Variants in TGFBR3 observed in about 807,000 individuals in gnomAD.
TGFBR3 encodes the protein transforming growth factor beta receptor 3.
In TGFBR3, 46 loss-of-function variants were observed where a neutral mutation model predicts 87.9. That is an observed-to-expected ratio of 0.52 (90% CI 0.41 to 0.67). The LOEUF is 0.67. Among genes scored for constraint, TGFBR3 ranks in the 30% least tolerant of loss-of-function variants. TGFBR3 has a pLI of 0.00. For synonymous variants in TGFBR3, 381 were observed against 391.6 expected, an observed-to-expected ratio of 0.97 and a Z score of 0.32; for missense variants, 866 against 1,041.9, an observed-to-expected ratio of 0.83 and a Z score of 2.32.
chr1:91,846,877 T>C (rs1677522240), intron 2 of TGFBR3, among the ~76,000 whole-genome samples: 1 of 152,138 alleles, frequency 6.6e-6, no homozygotes, highest in Non-Finnish European at 1.5e-5. Flanking sequence ...CTGCTCCACA[T>C]GCATGGACAG....
intron 3 of TGFBR3, among the ~76,000 whole-genome samples, chr1:91,783,731 C>T (rs1025827456): frequency 6.6e-6 from 1 of 152,058 alleles, no homozygotes; most frequent in Non-Finnish European, 1.5e-5. Context: ...AAGGAAAAAG[C>T]CATATTAAAC....
Position 91,711,869 on chromosome 1 carries a change from A to G in TGFBR3, c.2166+374T>C, listed in dbSNP as rs1015750586. ...CAGAAAAGGTTAAAAAACAATGACA[A>G]TGCCAGTCCCAGCAGGACCTGGAAA... On this transcript the variant is annotated intron_variant, in intron 13 of 16. Transcript: ENST00000212355. Among the ~76,000 whole-genome samples the G allele has an allele frequency of 3.3e-5, 5 of 152,358 alleles. No homozygotes were observed. In the East Asian group the frequency reaches 9.6e-4, roughly 29 times the overall value.
At chr1:91,873,991 T>G (rs1235783278) in intron 1 of TGFBR3, among the ~76,000 whole-genome samples, 1 of 152,064 alleles carries the variant, frequency 6.6e-6, no homozygotes, top group Non-Finnish European at 1.5e-5. Context: ...TCTTATTCAT[T>G]TAATAATGTT....
At chr1:91,704,173 C>A (rs1199018168) in intron 14 of TGFBR3, among the ~76,000 whole-genome samples, 2 of 151,700 alleles carry the variant, frequency 1.3e-5, no homozygotes, top group Admixed American at 6.6e-5. Flanking sequence ...ACTAAAAATA[C>A]AAGAATTAGC....
chr1:91,712,625 G>T, intron 12 of TGFBR3, 83 bp from the exon 13 acceptor site: 1 of 1,307,204 alleles, frequency 7.6e-7, no homozygotes, highest in Non-Finnish European at 1.1e-6. Context: ...TGCCAAGACA[G>T]CCCTTCAGAT....
intron 4 of TGFBR3, among the ~76,000 whole-genome samples, chr1:91,738,417 CA>C (rs1439253369): frequency 1.3e-5 from 2 of 152,200 alleles, no homozygotes; most frequent in Non-Finnish European, 2.9e-5. Context: ...CAGATCCCCC[CA>C]TGAATGGCTT....
At chr1:91,819,436 G>A (rs1480005896) in intron 2 of TGFBR3, among the ~76,000 whole-genome samples, 2 of 151,692 alleles carry the variant, frequency 1.3e-5, no homozygotes, top group Non-Finnish European at 2.9e-5. Flanking sequence ...TCCTCAAAGA[G>A]CTAGGGATCC....
intron 14 of TGFBR3, among the ~76,000 whole-genome samples, chr1:91,706,770 T>A (rs1001916141): frequency 7.9e-5 from 12 of 152,168 alleles, no homozygotes; most frequent in Admixed American, 7.9e-4. Context: ...TCTATTGGGG[T>A]CTGAATTGGG....
chr1:91,787,943 G>GGAAAAAAA (rs945269870), intron 3 of TGFBR3, among the ~76,000 whole-genome samples: 4 of 133,316 alleles, frequency 3.0e-5, no homozygotes, highest in African/African-American at 9.2e-5. Flanking sequence ...GTCTCACGGG[G>GGAAAAAAA]AAAAAAAAAA....
chr1:91,873,449 A>C (rs1018102636), intron 1 of TGFBR3, among the ~76,000 whole-genome samples: 2 of 151,444 alleles, frequency 1.3e-5, no homozygotes, highest in African/African-American at 4.9e-5. Context: ...CGCCCAGCTA[A>C]TTTTTGTATT....
At chr1:91,877,897 T>C (rs1269748639) in intron 1 of TGFBR3, among the ~76,000 whole-genome samples, 1 of 152,132 alleles carries the variant, frequency 6.6e-6, no homozygotes, top group East Asian at 1.9e-4. Flanking sequence ...AGAAAATGAA[T>C]AGGAATGTCT....
intron 2 of TGFBR3, among the ~76,000 whole-genome samples, chr1:91,827,674 C>G (rs1459742201): frequency 6.6e-6 from 1 of 152,166 alleles, no homozygotes; most frequent in Non-Finnish European, 1.5e-5. Context: ...CCCTGGCACA[C>G]AGTAAGCACT....
At chr1:91,837,435 G>A (rs1000333818) in intron 2 of TGFBR3, among the ~76,000 whole-genome samples, 7 of 151,864 alleles carry the variant, frequency 4.6e-5, no homozygotes, top group Non-Finnish European at 7.4e-5. Context: ...CAGTAGAGAC[G>A]GGGTTTCACC....
intron 14 of TGFBR3, among the ~76,000 whole-genome samples, chr1:91,704,066 G>T (rs1040058093): frequency 2.0e-5 from 3 of 152,120 alleles, no homozygotes; most frequent in African/African-American, 7.2e-5. Flanking sequence ...AGTGGCTCAT[G>T]CCTATAATCC....
intron 2 of TGFBR3, among the ~76,000 whole-genome samples, chr1:91,811,381 C>T (rs987752651): frequency 6.6e-6 from 1 of 152,014 alleles, no homozygotes; most frequent in African/African-American, 2.4e-5. Context: ...TCCAAGGTCT[C>T]AATTTAAGAG....
intron 3 of TGFBR3, chr1:91,783,195 C>A (rs1454196023): frequency 6.6e-6 from 1 of 152,088 alleles, no homozygotes; most frequent in Non-Finnish European, 1.5e-5. Flanking sequence ...TCAAAAGTAT[C>A]CAAGTCATAC....
intron 3 of TGFBR3, among the ~76,000 whole-genome samples, chr1:91,761,057 T>C (rs1673942361): frequency 6.6e-6 from 1 of 152,258 alleles, no homozygotes; most frequent in African/African-American, 2.4e-5. Context: ...AGACTAGTAA[T>C]GTATATCTGC....
intron 1 of TGFBR3, among the ~76,000 whole-genome samples, chr1:91,882,055 A>ATAAATAAG (rs1331503556): frequency 6.6e-6 from 1 of 151,046 alleles, no homozygotes; most frequent in Non-Finnish European, 1.5e-5. Flanking sequence ...AAATAAATAA[A>ATAAATAAG]TAAATAATAA....
chr1:91,831,506 G>A (rs1676856522), intron 2 of TGFBR3, among the ~76,000 whole-genome samples: 2 of 152,116 alleles, frequency 1.3e-5, no homozygotes, highest in African/African-American at 4.8e-5. Context: ...ACCACTACAA[G>A]GAAAGGAAAA....
Sources: allele counts gnomAD v4.1 joint callset (sites outside exome capture counted in the v4.1 genomes callset), GRCh38; gene constraint gnomAD v4.1.1; transcripts MANE v1.5; gene names NCBI Gene and HGNC (gene_info 2026-07-23, HGNC 2026-07-21).